The following TANC1 variants were observed in gnomAD, a reference collection of about 807,000 sequenced individuals.
TANC1 encodes the protein protein TANC1.
In TANC1, 77 loss-of-function variants were observed where a neutral mutation model predicts 149.7. The observed-to-expected ratio is 0.51, with a 90% CI of 0.43 to 0.62. The LOEUF is 0.62. Among genes scored for constraint, TANC1 ranks in the 20% least tolerant of loss-of-function variants. The pLI is 0.00. For synonymous variants in TANC1, 854 were observed against 925.0 expected (o/e 0.92, Z 1.39); for missense variants, 1,985 against 2,321.8 (o/e 0.85, Z 2.98).
chr2:159,173,570 A>C (rs1176969684), intron 11 of TANC1, among the ~76,000 whole-genome samples: 9 of 152,228 alleles, frequency 5.9e-5, no homozygotes, highest in Admixed American at 1.3e-4. Flanking sequence ...GTGCAACTGC[A>C]CTCCAACCTG....
intron 4 of TANC1, among the ~76,000 whole-genome samples, chr2:159,119,682 G>A (rs1173431390): frequency 2.0e-5 from 3 of 152,162 alleles, no homozygotes; most frequent in African/African-American, 7.2e-5. Flanking sequence ...GAGAGGTCAC[G>A]ATGGCCTGGG....
intron 5 of TANC1, among the ~76,000 whole-genome samples, chr2:159,138,959 T>C (rs11903958): frequency 0.24 from 36,501 of 152,200 alleles, 4,524 homozygotes; most frequent in Middle Eastern, 0.32. Context: ...CATTTTGAAT[T>C]TGCTTATTTA....
intron 7 of TANC1, 73 bp downstream of exon 7, chr2:159,150,629 A>C: frequency 8.2e-7 from 1 of 1,217,384 alleles, no homozygotes; most frequent in Non-Finnish European, 1.2e-6. Context: ...GCACTTCCTC[A>C]GAGGGTTTTA....
At chr2:159,203,537 A>G (rs2058400203) in intron 19 of TANC1, among the ~76,000 whole-genome samples, 1 of 151,442 alleles carries the variant, frequency 6.6e-6, no homozygotes, top group Non-Finnish European at 1.5e-5. Flanking sequence ...CTTATTTGAT[A>G]GGAGGCTGCT....
At chr2:159,063,555 G>C (rs1041377011) in intron 2 of TANC1, among the ~76,000 whole-genome samples, 5 of 152,140 alleles carry the variant, frequency 3.3e-5, no homozygotes, top group African/African-American at 1.2e-4. Flanking sequence ...AGGGGAGGAT[G>C]GTTCCTTATT....
intron 1 of TANC1, among the ~76,000 whole-genome samples, chr2:158,975,685 C>T (rs1573908959): frequency 6.6e-6 from 1 of 151,922 alleles, no homozygotes; most frequent in South Asian, 2.1e-4. Flanking sequence ...ATCCTTCCAC[C>T]TCAGTTTCCC....
At chr2:159,040,453 C>T (rs264610) in intron 2 of TANC1, among the ~76,000 whole-genome samples, 8 of 151,934 alleles carry the variant, frequency 5.3e-5, no homozygotes, top group African/African-American at 9.7e-5. Context: ...AGGCTTTGTT[C>T]GTTTCTTTTT....
chr2:159,162,814 A>G (rs1279200434), intron 7 of TANC1, among the ~76,000 whole-genome samples: 1 of 152,142 alleles, frequency 6.6e-6, no homozygotes, highest in Non-Finnish European at 1.5e-5. Context: ...TTTTGTTTCT[A>G]AAGATTTTCT....
intron 19 of TANC1, among the ~76,000 whole-genome samples, chr2:159,212,730 G>A (rs1360253382): frequency 6.6e-6 from 1 of 152,050 alleles, no homozygotes; most frequent in African/African-American, 2.4e-5. Context: ...AGACCATCCT[G>A]GCCAACATGG....
At chr2:159,137,371 G>A (rs2050869307) in intron 5 of TANC1, among the ~76,000 whole-genome samples, 1 of 152,188 alleles carries the variant, frequency 6.6e-6, no homozygotes, top group Non-Finnish European at 1.5e-5. Context: ...GGGAAGGGGA[G>A]TTTGGGACAT....
chr2:159,085,721 TAATA>T (rs2149816091), intron 3 of TANC1, among the ~76,000 whole-genome samples: 1 of 152,210 alleles, frequency 6.6e-6, no homozygotes, highest in Non-Finnish European at 1.5e-5. Context: ...TCTAGTGAAC[TAATA>T]GAGTGAGAAC....
chr2:159,121,436 T>C (rs1408153349), intron 4 of TANC1, among the ~76,000 whole-genome samples: 1 of 152,200 alleles, frequency 6.6e-6, no homozygotes, highest in South Asian at 2.1e-4. Flanking sequence ...TGGGTTCAAG[T>C]GATTCTTCTG....
chr2:159,025,945 T>C (rs547028257), intron 2 of TANC1, among the ~76,000 whole-genome samples: 49 of 152,276 alleles, frequency 3.2e-4, no homozygotes, highest in African/African-American at 1.2e-3. Context: ...CTATTTTTAT[T>C]TTTTGTAGAG....
chr2:159,070,042 A>G (rs965094715), intron 3 of TANC1, among the ~76,000 whole-genome samples: 5 of 152,092 alleles, frequency 3.3e-5, no homozygotes, highest in African/African-American at 7.2e-5. Flanking sequence ...TTGGCCTCCC[A>G]AAGTGCTGGG....
intron 19 of TANC1, among the ~76,000 whole-genome samples, chr2:159,204,892 G>A (rs1445153439): frequency 1.3e-5 from 2 of 152,244 alleles, no homozygotes; most frequent in Non-Finnish European, 2.9e-5. Flanking sequence ...ATTTAGCTGC[G>A]TCGTAGGCCT....
At chr2:158,975,210 T>G (rs2033498346) in intron 1 of TANC1, among the ~76,000 whole-genome samples, 1 of 152,204 alleles carries the variant, frequency 6.6e-6, no homozygotes, top group African/African-American at 2.4e-5. Flanking sequence ...TTTCCAGTGG[T>G]CAGTTACTAG....
At chr2:158,987,385 C>T (rs1180225089) in intron 1 of TANC1, among the ~76,000 whole-genome samples, 1 of 151,782 alleles carries the variant, frequency 6.6e-6, no homozygotes, top group Non-Finnish European at 1.5e-5. Context: ...AATTAGCCGG[C>T]TGTGGTGGTG....
chr2:158,987,790 T>G (rs1034165126), intron 1 of TANC1, among the ~76,000 whole-genome samples: 6 of 152,030 alleles, frequency 3.9e-5, no homozygotes, highest in African/African-American at 1.5e-4. Context: ...GAAGGTAGTT[T>G]TGGGAATGGA....
At chr2:159,144,023 C>T (rs1294984481) in intron 5 of TANC1, among the ~76,000 whole-genome samples, 1 of 151,400 alleles carries the variant, frequency 6.6e-6, no homozygotes, top group Non-Finnish European at 1.5e-5. Flanking sequence ...CTGCAGTCCT[C>T]AGTTTTTAAG....
Sources: gnomAD v4.1 joint callset for allele counts (sites outside exome capture counted in the v4.1 genomes callset) on GRCh38, gnomAD v4.1.1 for gene constraint, MANE v1.5 for transcripts, NCBI Gene and HGNC (gene_info 2026-07-23, HGNC 2026-07-21) for gene names.